TMTC1: variants seen among roughly 807,000 people sequenced by gnomAD.
TMTC1 encodes protein O-mannosyl-transferase TMTC1.
In TMTC1, 73 loss-of-function variants were observed where a neutral mutation model predicts 104.8. That is an observed-to-expected ratio of 0.70 (90% CI 0.58 to 0.85). The LOEUF is 0.85. Among genes scored for constraint, TMTC1 ranks in the 40% least tolerant of loss-of-function variants. The pLI is 0.00. For missense variants in TMTC1, 1,035 were observed against 1,096.1 expected, an observed-to-expected ratio of 0.94 and a Z score of 0.79; for synonymous variants, 434 against 428.7, an observed-to-expected ratio of 1.01 and a Z score of -0.15.
intron 5 of TMTC1, among the ~76,000 whole-genome samples, chr12:29,737,021 C>T (rs932344797): frequency 6.6e-6 from 1 of 152,226 alleles, no homozygotes; most frequent in African/African-American, 2.4e-5. Flanking sequence ...TAGTTCACTG[C>T]TGCGTCAGAG....
intron 12 of TMTC1, chr12:29,519,554 C>T (rs971380328): frequency 2.0e-5 from 3 of 152,058 alleles, no homozygotes; most frequent in African/African-American, 7.2e-5. Context: ...TCTTTTCAAG[C>T]GTATCTGTTT....
intron 11 of TMTC1, 69 bp from the exon 12 acceptor site, chr12:29,520,789 G>A: frequency 7.7e-7 from 1 of 1,303,270 alleles, no homozygotes. Context: ...CTGAATATTA[G>A]GAGCAGGAAA....
At chr12:29,658,909 T>C (rs1461961534) in intron 5 of TMTC1, 2 of 152,242 alleles carry the variant, frequency 1.3e-5, no homozygotes, top group African/African-American at 4.8e-5. Flanking sequence ...CTGTCAAATA[T>C]AATTACATCT....
At position 29,766,469 on chromosome 12, in the gene TMTC1, C is replaced by T. The variant is rs572776779; in HGVS notation, c.480+1429G>A. Among the ~76,000 whole-genome samples the T allele has an allele frequency of 1.2e-4, 19 of 152,314 alleles. No individual in the cohort carries two copies. In the South Asian group the frequency reaches 2.3e-3, roughly 18 times the overall value. On this transcript the variant is annotated intron_variant, in intron 2 of 17. Transcript: ENST00000539277. The stretch of plus-strand genomic sequence containing the variant: ...CCATGTTATATTCTTCATAGAGATA[C>T]GTGTTAGACAGGGAGAGATGTGAAG...
chr12:29,636,446 T>C (rs1264580873), intron 5 of TMTC1, among the ~76,000 whole-genome samples: 1 of 152,226 alleles, frequency 6.6e-6, no homozygotes, highest in Admixed American at 6.5e-5. Flanking sequence ...GTCTTCTAGA[T>C]GTGCAATACT....
At chr12:29,524,751 G>A (rs1032277843) in intron 11 of TMTC1, among the ~76,000 whole-genome samples, 6 of 152,184 alleles carry the variant, frequency 3.9e-5, no homozygotes, top group African/African-American at 1.4e-4. Flanking sequence ...GAATAAAGAT[G>A]CCATTAAATG....
rs894896688 is a variant in TMTC1, at chr12:29,506,286, A to C, written c.*560T>G. 6.6e-6 allele frequency: 1 copy of C among 152,568 alleles called. No homozygotes were observed. The highest frequency in any genetic ancestry group is 1.5e-5 in the Non-Finnish European group (1 of 68,318). The allele number at this position is 152,568 out of a possible 1,614,324, so 9.5% of individuals were successfully genotyped here. A position where few individuals can be genotyped will look rare whatever the true frequency, so the allele number is the denominator to read the frequency against. Reference sequence around the variant, plus strand: ...AAACTCTTAGGAGGATATTAGATAAAGCTCACTTAGCAATAGCCCTTTTTC... The same window carrying C: ...AAACTCTTAGGAGGATATTAGATAACGCTCACTTAGCAATAGCCCTTTTTC... On this transcript the variant is annotated 3_prime_UTR_variant, in exon 18 of 18. Coordinates refer to ENST00000539277, the MANE Select transcript of TMTC1 (RefSeq NM_001193451.2).
chr12:29,514,354 A>G, intron 16 of TMTC1, 128 bp downstream of exon 16: 1 of 944,040 alleles, frequency 1.1e-6, no homozygotes, highest in East Asian at 2.7e-5. Flanking sequence ...AGTTAAAAAA[A>G]ACTCACTCAC....
intron 7 of TMTC1, among the ~76,000 whole-genome samples, chr12:29,595,592 A>T (rs1946384647): frequency 6.6e-6 from 1 of 152,156 alleles, no homozygotes; most frequent in Non-Finnish European, 1.5e-5. Flanking sequence ...CTCTCTCTGG[A>T]TGAGACTTAA....
chr12:29,607,285 C>T (rs375344201), intron 6 of TMTC1, among the ~76,000 whole-genome samples: 1 of 152,226 alleles, frequency 6.6e-6, no homozygotes, highest in East Asian at 1.9e-4. Flanking sequence ...GTGCTCCTGA[C>T]TTGTGTTCAC....
intron 6 of TMTC1, among the ~76,000 whole-genome samples, chr12:29,620,349 G>C (rs1392283055): frequency 1.3e-5 from 2 of 152,146 alleles, no homozygotes; most frequent in Non-Finnish European, 2.9e-5. Context: ...CCAGCCTTGG[G>C]ACTCTCAATC....
At chr12:29,770,960 G>A (rs914905109) in intron 1 of TMTC1, among the ~76,000 whole-genome samples, 4 of 151,942 alleles carry the variant, frequency 2.6e-5, no homozygotes, top group African/African-American at 9.7e-5. Flanking sequence ...TTTAACAAAG[G>A]CGTTTATCAA....
chr12:29,660,678 T>C (rs893594662), intron 5 of TMTC1: 1 of 295,876 alleles, frequency 3.4e-6, no homozygotes, highest in Non-Finnish European at 5.8e-6. Flanking sequence ...GATCCCAATG[T>C]CATGATGTTA....
chr12:29,706,796 T>A (rs1383085969), intron 5 of TMTC1, among the ~76,000 whole-genome samples: 1 of 152,208 alleles, frequency 6.6e-6, no homozygotes, highest in Non-Finnish European at 1.5e-5. Context: ...ACTTGCATGC[T>A]GTAATTTCTC....
intron 5 of TMTC1, among the ~76,000 whole-genome samples, chr12:29,700,205 T>C (rs530295287): frequency 6.6e-6 from 1 of 151,240 alleles, no homozygotes; most frequent in Non-Finnish European, 1.5e-5. Flanking sequence ...CTCCCCACCA[T>C]GTCTGGCTAA....
chr12:29,536,215 A>AATATAT lies in TMTC1; in HGVS notation c.1778_1779insATATAT (p.Ala593_Glu594insTyrIle). ...TACTGTGTGAAACAATTACCTGCTC[A>AATATAT]GCCAATAACGAAGCTAAGCTTGAAT... On this transcript the variant is annotated inframe_insertion, in exon 11 of 18. Transcript: ENST00000539277. 1 of 1,604,066 alleles carries AATATAT rather than the reference A, an allele frequency of 6.2e-7. No individual in the cohort carries two copies. Among genetic ancestry groups the AATATAT allele is most frequent in the Non-Finnish European group, 8.5e-7 (1 of 1,171,370 alleles).
intron 5 of TMTC1, among the ~76,000 whole-genome samples, chr12:29,702,118 T>A (rs1456189906): frequency 1.3e-5 from 2 of 152,200 alleles, no homozygotes; most frequent in African/African-American, 4.8e-5. Context: ...CAGATTAAAC[T>A]ATGGACTGAT....
chr12:29,677,411 A>T (rs1940768094), intron 5 of TMTC1, among the ~76,000 whole-genome samples: 2 of 152,224 alleles, frequency 1.3e-5, no homozygotes, highest in Non-Finnish European at 2.9e-5. Context: ...TAGAAGCACA[A>T]GCAACCCAAA....
rs946990733 is a variant in TMTC1, at chr12:29,717,260, T to G, written c.938+34406A>C. ...AAAATTTTAGGTGCCAATATAAATGTGAGAAGGCGTTCACGGGATTTCAAA... is the reference window on the plus strand; with the variant it reads ...AAAATTTTAGGTGCCAATATAAATGGGAGAAGGCGTTCACGGGATTTCAAA... On this transcript the variant is annotated intron_variant, in intron 5 of 17. Transcript: ENST00000539277. 2.0e-5 allele frequency among the ~76,000 whole-genome samples: 3 copies of G among 152,318 alleles called. No individual in the cohort carries two copies. In the South Asian group the frequency reaches 6.2e-4, roughly 32 times the overall value.
Sources: gnomAD v4.1 joint callset for allele counts (sites outside exome capture counted in the v4.1 genomes callset) on GRCh38, gnomAD v4.1.1 for gene constraint, MANE v1.5 for transcripts, NCBI Gene and HGNC (gene_info 2026-07-23, HGNC 2026-07-21) for gene names.